MINPP1: variants seen among roughly 807,000 people sequenced by gnomAD.
MINPP1 encodes multiple inositol-polyphosphate phosphatase 1.
In MINPP1, 28 loss-of-function variants were observed where a neutral mutation model predicts 46.1. That is an observed-to-expected ratio of 0.61 (90% CI 0.45 to 0.83). MINPP1 has a LOEUF of 0.83. MINPP1 is among the 40% of genes least tolerant of loss of function. The pLI, the probability that MINPP1 is intolerant of heterozygous loss-of-function variation, is 0.00. For missense variants in MINPP1, 603 were observed against 610.0 expected (o/e 0.99, Z 0.12); for synonymous variants, 268 against 249.1 (o/e 1.08, Z -0.72).
chr10:87,531,215 A>G (rs183030970), intron 4 of MINPP1, among the ~76,000 whole-genome samples: 90 of 152,324 alleles, frequency 5.9e-4, no homozygotes, highest in African/African-American at 2.0e-3. Flanking sequence ...CTGTCTGACA[A>G]GCCCTAGTGG....
intron 4 of MINPP1, chr10:87,546,648 T>G (rs545080484): frequency 4.1e-4 from 62 of 152,238 alleles, no homozygotes; most frequent in Non-Finnish European, 7.6e-4. Context: ...AACAATCAGC[T>G]AGGTGTGGTG....
rs990092549 is a variant in MINPP1 at position 87,505,494 on chromosome 10, C to T, written c.579C>T (p.Ala193=). The T allele has an allele frequency of 1.2e-6, 2 of 1,612,524 alleles. No individual in the cohort carries two copies. The highest frequency in any genetic ancestry group is 1.7e-5 in the Admixed American group (1 of 59,928). ...SKHRCMDSSA[A]FLQGLWQHYH... is the part of the protein sequence containing the mutation. ...ACCGCTGCATGGATAGCAGCGCCGC[C>T]TTCCTGCAGGGGCTGTGGCAGCACT... The change falls in exon 1 of 5, where the codon GCC becomes GCT. Residue 193 remains alanine (A), a synonymous_variant. Coordinates refer to ENST00000371996, the MANE Select transcript of MINPP1 (RefSeq NM_004897.5). This position sits in a 1 kb window ranked among gnomAD's most constrained non-coding sequence, Gnocchi z 4.4.
chr10:87,530,612 A>G (rs1851644985), intron 4 of MINPP1, among the ~76,000 whole-genome samples: 1 of 152,134 alleles, frequency 6.6e-6, no homozygotes, highest in African/African-American at 2.4e-5. Context: ...GTCGGCCCCT[A>G]CTGGGAGGTG....
intron 2 of MINPP1, among the ~76,000 whole-genome samples, chr10:87,511,862 C>T (rs1185333653): frequency 1.3e-5 from 2 of 152,146 alleles, no homozygotes; most frequent in African/African-American, 2.4e-5. Context: ...TATATTGTAT[C>T]AGGTATTGAG....
At chr10:87,543,729 C>T (rs1851849335) in intron 4 of MINPP1, among the ~76,000 whole-genome samples, 1 of 152,092 alleles carries the variant, frequency 6.6e-6, no homozygotes, top group East Asian at 1.9e-4. Flanking sequence ...AAAAAGAAAA[C>T]AAAGTTAGTT....
rs751548276 is a variant in MINPP1 at position 87,505,006 on chromosome 10, T to C, written c.91T>C (p.Ser31Pro). 6.2e-6 allele frequency: 10 copies of C among 1,612,682 alleles called. No homozygotes were observed. The highest frequency in any genetic ancestry group is 1.7e-5 in the Admixed American group (1 of 59,986). ...AALLSSLARC[S>P]LLEPRDPVAS... Reference sequence around the variant, plus strand: ...GCTGCTCTCGTCGCTTGCGCGCTGCTCTCTTCTAGAGCCGAGGGACCCGGT... The same window carrying C: ...GCTGCTCTCGTCGCTTGCGCGCTGCCCTCTTCTAGAGCCGAGGGACCCGGT... Residue 31 changes from serine (S) to proline (P), a missense_variant, in exon 1 of 5, where the codon TCT becomes CCT. Physicochemically the swap from Ser to Pro is moderately conservative, Grantham distance 74. Transcript: ENST00000371996. The surrounding 1 kb of genome is among the most constrained non-coding windows in gnomAD (Gnocchi z 4.4).
intron 2 of MINPP1, among the ~76,000 whole-genome samples, chr10:87,512,429 T>C (rs1851348276): frequency 1.3e-5 from 2 of 152,162 alleles, no homozygotes; most frequent in African/African-American, 4.8e-5. Context: ...TCCTTTCTCC[T>C]TCCCCCTCAC....
intron 3 of MINPP1, among the ~76,000 whole-genome samples, chr10:87,514,123 C>A (rs1032438196): frequency 9.2e-5 from 14 of 152,016 alleles, no homozygotes; most frequent in Non-Finnish European, 1.8e-4. Flanking sequence ...GGCAGATTCC[C>A]TTTTATCAGG....
intron 3 of MINPP1, among the ~76,000 whole-genome samples, chr10:87,514,466 A>C (rs1030389131): frequency 1.2e-4 from 19 of 152,010 alleles, no homozygotes; most frequent in Admixed American, 1.1e-3. Flanking sequence ...CATTCATTGC[A>C]TTTGGTTGCA....
At chr10:87,526,626 T>A (rs879886116) in intron 4 of MINPP1, among the ~76,000 whole-genome samples, 2 of 152,240 alleles carry the variant, frequency 1.3e-5, no homozygotes, top group Non-Finnish European at 2.9e-5. Flanking sequence ...TGCCCATGCC[T>A]ATGTCCTGAA....
At chr10:87,550,044 G>A (rs1208740794) in intron 4 of MINPP1, among the ~76,000 whole-genome samples, 4 of 152,124 alleles carry the variant, frequency 2.6e-5, no homozygotes, top group Non-Finnish European at 4.4e-5. Flanking sequence ...CATGTGCTGT[G>A]TAACAAGTAT....
intron 1 of MINPP1, among the ~76,000 whole-genome samples, chr10:87,507,024 A>G (rs1206166729): frequency 6.6e-6 from 1 of 152,228 alleles, no homozygotes; most frequent in African/African-American, 2.4e-5. Context: ...CACAATATCT[A>G]TAGCGACTTC....
intron 4 of MINPP1, among the ~76,000 whole-genome samples, chr10:87,524,668 C>G (rs1851548975): frequency 6.6e-6 from 1 of 152,086 alleles, no homozygotes; most frequent in African/African-American, 2.4e-5. Flanking sequence ...TTCATTTGAA[C>G]ACTTAGAGGC....
At chr10:87,526,298 G>C (rs1402962002) in intron 4 of MINPP1, among the ~76,000 whole-genome samples, 2 of 152,214 alleles carry the variant, frequency 1.3e-5, no homozygotes. Context: ...CTGATGGCCA[G>C]TGATGATGAG....
chr10:87,519,591 G>A (rs534224924), intron 3 of MINPP1, among the ~76,000 whole-genome samples: 24 of 152,290 alleles, frequency 1.6e-4, no homozygotes, highest in Non-Finnish European at 2.6e-4. Flanking sequence ...ATTGTGCTGT[G>A]CTAGTCTAGA....
chr10:87,546,529 T>C (rs941092658), intron 4 of MINPP1: 1 of 152,256 alleles, frequency 6.6e-6, no homozygotes, highest in Non-Finnish European at 1.5e-5. Context: ...TATAGAACTG[T>C]GCTTTTCACT....
chr10:87,539,962 G>C (rs1851790504), intron 4 of MINPP1, among the ~76,000 whole-genome samples: 1 of 152,202 alleles, frequency 6.6e-6, no homozygotes, highest in Non-Finnish European at 1.5e-5. Context: ...GACTTCCTGG[G>C]CTCAAGTGAT....
chr10:87,523,037 T>G (rs890013177), intron 4 of MINPP1, among the ~76,000 whole-genome samples: 1 of 152,230 alleles, frequency 6.6e-6, no homozygotes, highest in African/African-American at 2.4e-5. Context: ...TCAAGTTTGA[T>G]CATGATATTG....
chr10:87,508,366 A>G lies in MINPP1; in HGVS notation c.668A>G (p.Asp223Gly). Reference sequence around the variant, plus strand: ...GAGTTTGGACCTCCAACAGTTAATGATAAACTAATGAGATTTTTTGATCAC... The same window carrying G: ...GAGTTTGGACCTCCAACAGTTAATGGTAAACTAATGAGATTTTTTGATCAC... Reference protein sequence around the residue: ...DMEFGPPTVNDKLMRFFDHCE... With the variant: ...DMEFGPPTVNGKLMRFFDHCE... Residue 223 changes from aspartate (D) to glycine (G), a missense_variant, in exon 2 of 5, where the codon GAT becomes GGT. Coordinates refer to ENST00000371996, the MANE Select transcript of MINPP1 (RefSeq NM_004897.5). 1.2e-6 allele frequency: 2 copies of G among 1,613,172 alleles called. No individual in the cohort carries two copies. The highest frequency in any genetic ancestry group is 1.7e-6 in the Non-Finnish European group (2 of 1,179,734).
Sources: gnomAD v4.1 joint callset for allele counts (sites outside exome capture counted in the v4.1 genomes callset) on GRCh38, gnomAD v4.1.1 for gene constraint, Gnocchi (gnomAD v3.1) non-coding constraint, MANE v1.5 for transcripts, NCBI Gene and HGNC (gene_info 2026-07-23, HGNC 2026-07-21) for gene names.